Variants in CNTNAP2 observed in about 807,000 individuals in gnomAD.
The protein encoded by CNTNAP2 is contactin associated protein 2.
Under a neutral mutation model 155.2 loss-of-function variants are expected in CNTNAP2, and 98 were observed. The observed-to-expected ratio is 0.63, with a 90% CI of 0.54 to 0.75. CNTNAP2 has a LOEUF of 0.75. CNTNAP2 is among the 30% of genes least tolerant of loss of function. The probability of loss-of-function intolerance (pLI) is 0.00; values close to 1 mark genes in which losing one functional copy is unlikely to be tolerated. For synonymous variants in CNTNAP2, 651 were observed against 631.2 expected, an observed-to-expected ratio of 1.03 and a Z score of -0.47; for missense variants, 1,727 against 1,688.1, an observed-to-expected ratio of 1.02 and a Z score of -0.40.
intron 3 of CNTNAP2, among the ~76,000 whole-genome samples, chr7:146,930,396 T>A (rs1262548337): frequency 6.6e-6 from 1 of 151,948 alleles, no homozygotes; most frequent in Admixed American, 6.6e-5. Flanking sequence ...GCTGAGAGAT[T>A]TTGTCACCAC....
At chr7:146,928,401 T>A (rs1408844288) in intron 3 of CNTNAP2, among the ~76,000 whole-genome samples, 1 of 152,186 alleles carries the variant, frequency 6.6e-6, no homozygotes, top group Non-Finnish European at 1.5e-5. Flanking sequence ...CTGGGTGATG[T>A]GTTCATAGGC....
At chr7:148,275,163 A>G (rs995962541) in intron 21 of CNTNAP2, among the ~76,000 whole-genome samples, 1 of 152,212 alleles carries the variant, frequency 6.6e-6, no homozygotes, top group Non-Finnish European at 1.5e-5. Context: ...ACCCAAAGCA[A>G]GATAGGGGAT....
At chr7:148,353,141 G>T (rs1426812244) in intron 21 of CNTNAP2, among the ~76,000 whole-genome samples, 1 of 152,196 alleles carries the variant, frequency 6.6e-6, no homozygotes, top group South Asian at 2.1e-4. Context: ...GTCAACAGGC[G>T]GGGCCCCGGC....
rs1263739650 is a variant in CNTNAP2, at chr7:148,002,479, G to A, written c.2383+24490G>A. Among the ~76,000 whole-genome samples the A allele has an allele frequency of 3.9e-5, 6 of 152,128 alleles. No individual in the cohort carries two copies. The East Asian group carries it at 1.2e-3, about 29-fold the overall frequency. On this transcript the variant is annotated intron_variant, in intron 15 of 23. Coordinates refer to ENST00000361727, the MANE Select transcript of CNTNAP2 (RefSeq NM_014141.6). ...TAAAGAGATTTGAAACCCTCTGAAG[G>A]CTATATGTAGTCCCCATGCCAAGAA...
intron 13 of CNTNAP2, among the ~76,000 whole-genome samples, chr7:147,784,406 A>ATG (rs1797702892): frequency 7.7e-6 from 1 of 129,038 alleles, no homozygotes; most frequent in Non-Finnish European, 1.6e-5. Flanking sequence ...ATATATATAT[A>ATG]TGTAACATAT....
intron 11 of CNTNAP2, among the ~76,000 whole-genome samples, chr7:147,526,147 A>AC (rs776075785): frequency 8.9e-5 from 13 of 145,858 alleles, no homozygotes; most frequent in South Asian, 2.2e-4. Context: ...AGCCGAGATC[A>AC]CCCCACTGCA....
intron 2 of CNTNAP2, among the ~76,000 whole-genome samples, chr7:146,836,693 C>T (rs1803624024): frequency 6.6e-6 from 1 of 152,010 alleles, no homozygotes; most frequent in East Asian, 1.9e-4. Context: ...TTTATATGTA[C>T]TTAACATGTT....
chr7:148,070,030 A>G (rs926389028), intron 15 of CNTNAP2, among the ~76,000 whole-genome samples: 1 of 152,218 alleles, frequency 6.6e-6, no homozygotes. Flanking sequence ...AAGCAGGCTA[A>G]GCAAATTCCC....
chr7:147,868,421 G>C (rs746108678), intron 13 of CNTNAP2, among the ~76,000 whole-genome samples: 34 of 152,162 alleles, frequency 2.2e-4, no homozygotes, highest in Non-Finnish European at 3.4e-4. Flanking sequence ...GGCTACACAG[G>C]GGTCAGGGAC....
chr7:148,298,332 G>A (rs1797322983), intron 21 of CNTNAP2, among the ~76,000 whole-genome samples: 1 of 152,148 alleles, frequency 6.6e-6, no homozygotes, highest in Admixed American at 6.5e-5. Flanking sequence ...CACATCATTT[G>A]GAGATACGTT....
intron 16 of CNTNAP2, among the ~76,000 whole-genome samples, chr7:148,128,425 C>G (rs1020907686): frequency 6.6e-6 from 1 of 152,102 alleles, no homozygotes; most frequent in Non-Finnish European, 1.5e-5. Flanking sequence ...TCTAACTTCT[C>G]GATTTAAACC....
At chr7:146,861,912 C>T (rs1795109679) in intron 3 of CNTNAP2, among the ~76,000 whole-genome samples, 1 of 152,106 alleles carries the variant, frequency 6.6e-6, no homozygotes, top group African/African-American at 2.4e-5. Flanking sequence ...CTCAATTAAC[C>T]TCTGGGCATT....
chr7:146,673,641 G>T (rs1800346612), intron 1 of CNTNAP2, among the ~76,000 whole-genome samples: 1 of 152,202 alleles, frequency 6.6e-6, no homozygotes, highest in East Asian at 1.9e-4. Flanking sequence ...GACACCAGCT[G>T]TAACCAATCT....
chr7:147,949,680 C>G (rs935130777), intron 14 of CNTNAP2, among the ~76,000 whole-genome samples: 2 of 152,000 alleles, frequency 1.3e-5, no homozygotes, highest in Admixed American at 6.6e-5. Context: ...ATGGAAAGGT[C>G]AGAGAGGTTT....
intron 18 of CNTNAP2, among the ~76,000 whole-genome samples, chr7:148,203,189 G>T (rs901455854): frequency 6.6e-6 from 1 of 152,096 alleles, no homozygotes; most frequent in African/African-American, 2.4e-5. Context: ...GGGAGGAGAG[G>T]TGGGGGAATA....
chr7:146,705,719 C>G (rs1483478492), intron 1 of CNTNAP2, among the ~76,000 whole-genome samples: 1 of 151,996 alleles, frequency 6.6e-6, no homozygotes, highest in Non-Finnish European at 1.5e-5. Context: ...AGGGGAACTC[C>G]TATTTATAAA....
rs750876987 is a variant in CNTNAP2, at chr7:146,774,339, G to T, written c.166G>T (p.Gly56Cys). The change falls in exon 2 of 24, where the codon GGT becomes TGT. Residue 56 changes from glycine (G) to cysteine (C), a missense_variant. Transcript: ENST00000361727. ...TTTCAGCAGCTCCTCCTCCATCTCT[G>T]GTAGCTATTCTCCCGGCTATGCCAA... ...VAFSSSSSISGSYSPGYAKIN... is the reference protein window; with the variant it reads ...VAFSSSSSISCSYSPGYAKIN... 6.2e-7 allele frequency: 1 copy of T among 1,613,892 alleles called. No individual in the cohort carries two copies. The highest frequency in any genetic ancestry group is 2.2e-5 in the East Asian group (1 of 44,860).
intron 3 of CNTNAP2, among the ~76,000 whole-genome samples, chr7:146,863,424 CTT>C (rs1461638749): frequency 6.6e-6 from 1 of 151,964 alleles, no homozygotes; most frequent in South Asian, 2.1e-4. Context: ...AGAGGTATGT[CTT>C]TCATATGACT....
chr7:147,155,622 CAT>C (rs1801909673), intron 8 of CNTNAP2, among the ~76,000 whole-genome samples: 2 of 152,068 alleles, frequency 1.3e-5, no homozygotes, highest in African/African-American at 2.4e-5. Context: ...AAAGAATATT[CAT>C]AGAGACAATA....
Sources: gnomAD v4.1 joint callset for allele counts (sites outside exome capture counted in the v4.1 genomes callset) on GRCh38, gnomAD v4.1.1 for gene constraint, MANE v1.5 for transcripts, NCBI Gene and HGNC (gene_info 2026-07-23, HGNC 2026-07-21) for gene names.